DLC1: variants seen among roughly 807,000 people sequenced by gnomAD.
DLC1 encodes the protein rho GTPase-activating protein 7.
A neutral mutation model predicts 140.3 loss-of-function variants in DLC1; 54 were observed. The observed-to-expected ratio is 0.38, with a 90% CI of 0.31 to 0.48. The LOEUF (loss-of-function observed/expected upper bound fraction) is 0.48. Among genes scored for constraint, DLC1 ranks in the 20% least tolerant of loss-of-function variants. The pLI is 0.96. For missense variants in DLC1, 2,536 were observed against 1,907.0 expected (o/e 1.33, Z -6.14); for synonymous variants, 986 against 728.1 (o/e 1.35, Z -5.70).
chr8:13,117,746 GAT>G (rs1227978570), intron 5 of DLC1, among the ~76,000 whole-genome samples: 1 of 152,134 alleles, frequency 6.6e-6, no homozygotes, highest in East Asian at 1.9e-4. Context: ...CTTTTTTGAC[GAT>G]AGTCAGACAC....
intron 2 of DLC1, among the ~76,000 whole-genome samples, chr8:13,497,302 C>T (rs1801560909): frequency 1.3e-5 from 2 of 152,104 alleles, no homozygotes; most frequent in South Asian, 4.1e-4. Flanking sequence ...AATTCTTACA[C>T]GTTTTAGTTC....
At chr8:13,131,301 G>A (rs1485864575) in intron 5 of DLC1, among the ~76,000 whole-genome samples, 1 of 152,032 alleles carries the variant, frequency 6.6e-6, no homozygotes, top group Non-Finnish European at 1.5e-5. Context: ...GCAGTCTGCT[G>A]GACTATTATT....
intron 2 of DLC1, among the ~76,000 whole-genome samples, chr8:13,491,285 T>C (rs1375243160): frequency 1.3e-5 from 2 of 151,890 alleles, no homozygotes; most frequent in Non-Finnish European, 2.9e-5. Context: ...CAATCTCTTA[T>C]TCTATTCTTC....
At chr8:13,428,132 G>A (rs182585048) in intron 2 of DLC1, among the ~76,000 whole-genome samples, 5 of 152,236 alleles carry the variant, frequency 3.3e-5, no homozygotes, top group East Asian at 1.9e-4. Flanking sequence ...TTGTATGGGC[G>A]TGTGTTGTAC....
At chr8:13,270,542 C>G (rs145853170) in intron 5 of DLC1, among the ~76,000 whole-genome samples, 3 of 152,150 alleles carry the variant, frequency 2.0e-5, no homozygotes, top group Non-Finnish European at 2.9e-5. Flanking sequence ...TTTCAGATAT[C>G]GTATATCTAG....
intron 5 of DLC1, among the ~76,000 whole-genome samples, chr8:13,199,755 G>A (rs1194644326): frequency 6.6e-6 from 1 of 152,096 alleles, no homozygotes; most frequent in Admixed American, 6.5e-5. Context: ...GGTAAAAACA[G>A]AGTCAATAAG....
At chr8:13,404,614 G>C (rs961566056) in intron 2 of DLC1, among the ~76,000 whole-genome samples, 1 of 151,980 alleles carries the variant, frequency 6.6e-6, no homozygotes, top group African/African-American at 2.4e-5. Flanking sequence ...CTGGGCAACA[G>C]GGATTAACAT....
chr8:13,110,770 C>T lies in DLC1; in HGVS notation c.1474G>A (p.Asp492Asn). ...SLVKREHDFL[D>N]RDAIEALCRR... Reference sequence around the variant, plus strand: ...CATAGAGCCTCAATGGCATCTCTGTCCAAAAAATCATGCTCTCTCTTGACC... The same window carrying T: ...CATAGAGCCTCAATGGCATCTCTGTTCAAAAAATCATGCTCTCTCTTGACC... Residue 492 changes from aspartate (D) to asparagine (N), a missense_variant, in exon 7 of 18, where the codon GAC (aspartate) becomes AAC (asparagine). By Grantham distance (23) the Asp-to-Asn change is conservative. Coordinates refer to ENST00000276297, the MANE Select transcript of DLC1 (RefSeq NM_182643.3). 2 of 1,613,922 alleles carry T rather than the reference C, an allele frequency of 1.2e-6. No homozygotes were observed. Among genetic ancestry groups the T allele is most frequent in the Non-Finnish European group, 1.7e-6 (2 of 1,179,970 alleles).
chr8:13,394,348 C>T (rs978121703), intron 3 of DLC1, among the ~76,000 whole-genome samples: 3 of 152,124 alleles, frequency 2.0e-5, no homozygotes, highest in African/African-American at 4.8e-5. Flanking sequence ...TGGTAATTGG[C>T]TCCTAATAAT....
chr8:13,368,223 A>T (rs575069802), intron 4 of DLC1, among the ~76,000 whole-genome samples: 2 of 152,326 alleles, frequency 1.3e-5, no homozygotes, highest in South Asian at 4.1e-4. Flanking sequence ...TAATGTCTCA[A>T]ACTTGATAAA....
intron 5 of DLC1, among the ~76,000 whole-genome samples, chr8:13,178,818 A>G (rs1825888352): frequency 6.6e-6 from 1 of 152,088 alleles, no homozygotes; most frequent in Non-Finnish European, 1.5e-5. Flanking sequence ...AGCAAACGAA[A>G]CTCTTATAAA....
At chr8:13,599,891 C>G (rs542587457) in intron 1 of DLC1, among the ~76,000 whole-genome samples, 1 of 151,862 alleles carries the variant, frequency 6.6e-6, no homozygotes, top group Non-Finnish European at 1.5e-5. Context: ...GGAAAAAAAT[C>G]TCAAACTTAC....
rs17553593 is a variant in DLC1 at position 13,133,225 on chromosome 8, C to A, written c.1349-17568G>T. 0.32 allele frequency: 451,723 copies of A among 1,412,076 alleles called. 76,191 individuals carry two copies. Among genetic ancestry groups the A allele is most frequent in the African/African-American group, 0.57 (38,943 of 67,852 alleles). 87.5% of individuals were successfully genotyped at this position (1,412,076 alleles called of 1,614,324 possible). On this transcript the variant is annotated intron_variant, in intron 5 of 17. Coordinates refer to ENST00000276297, the MANE Select transcript of DLC1 (RefSeq NM_182643.3). ...AGTCCGTGAGCCGGCGCTCCTGATG[C>A]GGAGAGGTGCGGCCATGTCCTGGCT...
At chr8:13,580,181 G>A (rs1323449418) in intron 1 of DLC1, among the ~76,000 whole-genome samples, 1 of 151,432 alleles carries the variant, frequency 6.6e-6, no homozygotes, top group Non-Finnish European at 1.5e-5. Flanking sequence ...GGAGTGCAGT[G>A]GCGCAATCTC....
chr8:13,369,847 C>G (rs770155389), intron 4 of DLC1, among the ~76,000 whole-genome samples: 1 of 150,856 alleles, frequency 6.6e-6, no homozygotes, highest in Non-Finnish European at 1.5e-5. Context: ...CTCCGATCGT[C>G]TCCTCAGAGC....
chr8:13,141,873 TA>T lies in DLC1; in HGVS notation c.1349-26217del, dbSNP rs200072043. 5.9e-3 allele frequency among the ~76,000 whole-genome samples: 892 copies of T among 152,306 alleles called. 13 individuals are homozygous for T. Among genetic ancestry groups the T allele is most frequent in the African/African-American group, 0.02 (845 of 41,568 alleles). On this transcript the variant is annotated intron_variant, in intron 5 of 17. Transcript: ENST00000276297. ...CTGCAAGGCAACGAATTACACATTT[TA>T]AAAAATAGACCTAGCAACAAGGCTT...
intron 4 of DLC1, among the ~76,000 whole-genome samples, chr8:13,355,699 G>A (rs117093272): frequency 0.023 from 3,459 of 152,232 alleles, 69 homozygotes; most frequent in Non-Finnish European, 0.034. Flanking sequence ...CACAATCACT[G>A]TAGAACAACA....
At chr8:13,516,552 G>A (rs1802594680), upstream of DLC1, among the ~76,000 whole-genome samples, 1 of 152,040 alleles carries the variant, frequency 6.6e-6, no homozygotes. Context: ...CATGTTAGAT[G>A]GCAAGAATGA....
chr8:13,528,097 G>A (rs1802977046), intron 1 of DLC1, among the ~76,000 whole-genome samples: 1 of 151,956 alleles, frequency 6.6e-6, no homozygotes, highest in Non-Finnish European at 1.5e-5. Flanking sequence ...TCTCCTCTGT[G>A]GAAGTGACAT....
Sources: allele counts gnomAD v4.1 joint callset (sites outside exome capture counted in the v4.1 genomes callset), GRCh38; gene constraint gnomAD v4.1.1; transcripts MANE v1.5; gene names NCBI Gene and HGNC (gene_info 2026-07-23, HGNC 2026-07-21).